The following PXK variants were observed in gnomAD, a reference collection of about 807,000 sequenced individuals.
PXK encodes PX domain-containing protein kinase-like protein.
A neutral mutation model predicts 84.7 loss-of-function variants in PXK; 35 were observed. The observed-to-expected ratio is 0.41, with a 90% CI of 0.32 to 0.55. PXK has a LOEUF of 0.55. PXK is among the 20% of genes least tolerant of loss of function. The probability of loss-of-function intolerance (pLI) is 0.21; values close to 1 mark genes in which losing one functional copy is unlikely to be tolerated. For missense variants in PXK, 634 were observed against 699.7 expected (o/e 0.91, Z 1.06); for synonymous variants, 253 against 260.8 (o/e 0.97, Z 0.29).
At chr3:58,381,940 A>G (rs1287698895) in intron 3 of PXK, among the ~76,000 whole-genome samples, 1 of 151,852 alleles carries the variant, frequency 6.6e-6, no homozygotes, top group Non-Finnish European at 1.5e-5. Context: ...GTAATAATTT[A>G]AGAAAGTGAG....
intron 3 of PXK, among the ~76,000 whole-genome samples, chr3:58,378,478 A>C: frequency 9.2e-6 from 1 of 108,746 alleles, no homozygotes; most frequent in Non-Finnish European, 1.8e-5. Context: ...TTGGATTTGG[A>C]CTTCATTTTT....
In PXK at chr3:58,397,284, C is replaced by T; in HGVS notation, c.984+84C>T. ...ATCTGCCCATGTAGGAAATATGCACCAAGTAGTGAAAGGTATAGTTGGGAC... is the reference window on the plus strand; with the variant it reads ...ATCTGCCCATGTAGGAAATATGCACTAAGTAGTGAAAGGTATAGTTGGGAC... On this transcript the variant is annotated intron_variant, in intron 10 of 17. Coordinates refer to ENST00000356151, the MANE Select transcript of PXK (RefSeq NM_017771.5). The surrounding 1 kb of genome is among the most constrained non-coding windows in gnomAD (Gnocchi z 4.7). 2 of 1,461,058 alleles carry T rather than the reference C, an allele frequency of 1.4e-6. No individual in the cohort carries two copies. Among genetic ancestry groups the T allele is most frequent in the African/African-American group, 1.4e-5 (1 of 71,940 alleles). The allele number at this position is 1,461,058 out of a possible 1,614,324, so 90.5% of individuals were successfully genotyped here.
chr3:58,390,483 G>T lies in PXK; in HGVS notation c.389-99G>T. 1 of 731,518 alleles carries T rather than the reference G, an allele frequency of 1.4e-6. No homozygotes were observed. Among genetic ancestry groups the T allele is most frequent in the Non-Finnish European group, 2.1e-6 (1 of 483,114 alleles). 45.3% of individuals were successfully genotyped at this position (731,518 alleles called of 1,614,324 possible). ...TTTGGTAATTAAGTTTTTTAAAAAG[G>T]TCATAGACTATAGGGATTTCATTTA... On this transcript the variant is annotated intron_variant, in intron 4 of 17. Transcript: ENST00000356151. The surrounding 1 kb of genome is among the most constrained non-coding windows in gnomAD (Gnocchi z 4.2).
At position 58,390,654 on chromosome 3, in the gene PXK, A is replaced by T; in HGVS notation, c.461A>T (p.Asp154Val). ...TGGGAGGTGGTGGAACCTTTGAAAG[A>T]CATAGGTGAGACATTGGCACGCTCA... ...PKWEVVEPLK[D>V]IGWRIRKKYF... is the part of the protein sequence containing the mutation. The change falls in exon 5 of 18, where the codon GAC becomes GTC. Residue 154 changes from aspartate to valine, a missense_variant. Asp to Val is a radical substitution (Grantham distance 152, BLOSUM62 -3). Around this residue, in one of 3 missense-constraint regions of PXK, gnomAD observed 353 missense variants for 385.2 expected, o/e 0.92. Transcript: ENST00000356151. The surrounding 1 kb of genome is among the most constrained non-coding windows in gnomAD (Gnocchi z 4.2). The T allele has an allele frequency of 6.2e-7, 1 of 1,611,718 alleles. No individual in the cohort carries two copies. The highest frequency in any genetic ancestry group is 8.5e-7 in the Non-Finnish European group (1 of 1,178,466).
chr3:58,365,741 C>A, intron 1 of PXK, 133 bp from the exon 2 acceptor site: 1 of 643,730 alleles, frequency 1.6e-6, no homozygotes, highest in Non-Finnish European at 2.5e-6. Flanking sequence ...ATGTCCCTTT[C>A]TCTCTGTCTC....
chr3:58,337,248 A>T (rs75220206), intron 1 of PXK, among the ~76,000 whole-genome samples: 6,992 of 152,298 alleles, frequency 0.046, 567 homozygotes, highest in African/African-American at 0.16. Flanking sequence ...TTTTAAAATC[A>T]GTGGAAAAGA....
At position 58,390,450 on chromosome 3, in the gene PXK, A is replaced by AT. The variant is rs531766666; in HGVS notation, c.389-122dup. On this transcript the variant is annotated intron_variant, in intron 4 of 17. Coordinates refer to ENST00000356151, the MANE Select transcript of PXK (RefSeq NM_017771.5). The surrounding 1 kb of genome is among the most constrained non-coding windows in gnomAD (Gnocchi z 4.2). ...GTGTGTATTTTCTTTCTTTATTATT[A>AT]TTTTTTTTTTGGTAATTAAGTTTTT... The AT allele has an allele frequency of 7.4e-3, 3,139 of 421,562 alleles. No individual in the cohort carries two copies. Among genetic ancestry groups the AT allele is most frequent in the Middle Eastern group, 0.014 (22 of 1,552 alleles). The allele number at this position is 421,562 out of a possible 1,614,324, so 26.1% of individuals were successfully genotyped here. A position where few individuals can be genotyped will look rare whatever the true frequency, so the allele number is the denominator to read the frequency against.
intron 7 of PXK, among the ~76,000 whole-genome samples, chr3:58,394,714 G>A (rs964201296): frequency 1.3e-5 from 2 of 152,142 alleles, no homozygotes; most frequent in Non-Finnish European, 2.9e-5. Flanking sequence ...CTATGAGAGT[G>A]CACACACCAA....
At chr3:58,389,167 G>A (rs1275934241) in intron 4 of PXK, among the ~76,000 whole-genome samples, 1 of 152,114 alleles carries the variant, frequency 6.6e-6, no homozygotes, top group Non-Finnish European at 1.5e-5. Context: ...AAAAGAGGAT[G>A]GATTTTTTTT....
At position 58,365,916 on chromosome 3, in the gene PXK, A is replaced by G; in HGVS notation, c.145A>G (p.Ser49Gly). 2 of 1,575,602 alleles carry G rather than the reference A, an allele frequency of 1.3e-6. No homozygotes were observed. The highest frequency in any genetic ancestry group is 1.7e-6 in the Non-Finnish European group (2 of 1,165,698). ...RVQRGISVENSWQIVRRYSDF... is the reference protein window; with the variant it reads ...RVQRGISVENGWQIVRRYSDF... ...GCAAAGAGGAATTTCTGTGGAAAACAGCTGGCAGGTAAGCATCTTTTTTTT... is the reference window on the plus strand; with the variant it reads ...GCAAAGAGGAATTTCTGTGGAAAACGGCTGGCAGGTAAGCATCTTTTTTTT... The change falls in exon 2 of 18, where the codon AGC (serine) becomes GGC (glycine). Residue 49 changes from serine to glycine, a missense_variant. By Grantham distance (56) the Ser-to-Gly change is moderately conservative (BLOSUM62 0). Coordinates refer to ENST00000356151, the MANE Select transcript of PXK (RefSeq NM_017771.5).
At chr3:58,395,614 G>T (rs1285638630) in intron 8 of PXK, 44 bp from the exon 9 acceptor site, 1 of 1,441,428 alleles carries the variant, frequency 6.9e-7, no homozygotes, top group South Asian at 1.2e-5. Flanking sequence ...GCAGATATTG[G>T]CCCCTCTGCT....
chr3:58,335,008 TGTC>T (rs1357540600), intron 1 of PXK, among the ~76,000 whole-genome samples: 2 of 135,642 alleles, frequency 1.5e-5, no homozygotes, highest in Non-Finnish European at 3.2e-5. Context: ...CTCACCATGT[TGTC>T]CAGGCTGGTG....
At chr3:58,373,283 T>G (rs1209198553) in intron 3 of PXK, among the ~76,000 whole-genome samples, 2 of 137,214 alleles carry the variant, frequency 1.5e-5, no homozygotes, top group Non-Finnish European at 3.4e-5. Flanking sequence ...TTTCACTGTG[T>G]TAGCCAGGAT....
At chr3:58,375,616 C>T (rs2098435520) in intron 3 of PXK, among the ~76,000 whole-genome samples, 1 of 152,216 alleles carries the variant, frequency 6.6e-6, no homozygotes, top group Admixed American at 6.5e-5. Context: ...TGCACTTTCT[C>T]TCCATGTCTA....
At chr3:58,336,071 A>ATATATTT (rs1284780630) in intron 1 of PXK, among the ~76,000 whole-genome samples, 13 of 51,570 alleles carry the variant, frequency 2.5e-4, no homozygotes, top group Non-Finnish European at 3.3e-4. Flanking sequence ...ATATATATAT[A>ATATATTT]TTTTTTTTTT....
intron 13 of PXK, among the ~76,000 whole-genome samples, chr3:58,408,689 A>AT (rs2107542969): frequency 6.6e-6 from 1 of 151,940 alleles, no homozygotes; most frequent in African/African-American, 2.4e-5. Context: ...CGCCCGGCTA[A>AT]TTTTTTGTAT....
chr3:58,410,943 C>T (rs968854308), intron 16 of PXK, among the ~76,000 whole-genome samples: 1 of 152,144 alleles, frequency 6.6e-6, no homozygotes, highest in Admixed American at 6.5e-5. Flanking sequence ...TTTGAAGATG[C>T]AAAAGAGACG....
chr3:58,333,901 T>C lies in PXK; in HGVS notation c.102+811T>C, dbSNP rs1261961923. 6.6e-6 allele frequency among the ~76,000 whole-genome samples: 1 copy of C among 151,342 alleles called. No homozygotes were observed. Among genetic ancestry groups the C allele is most frequent in the African/African-American group, 2.4e-5 (1 of 41,142 alleles). ...CTTTTTTTTTTTTTGAAAGGCCCACTATGCATTATAATTTCCAAGCAATAA... is the reference window on the plus strand; with the variant it reads ...CTTTTTTTTTTTTTGAAAGGCCCACCATGCATTATAATTTCCAAGCAATAA... On this transcript the variant is annotated intron_variant, in intron 1 of 17. Coordinates refer to ENST00000356151, the MANE Select transcript of PXK (RefSeq NM_017771.5). The surrounding 1 kb of genome is among the most constrained non-coding windows in gnomAD (Gnocchi z 5.4).
At chr3:58,350,439 A>G (rs933347043) in intron 1 of PXK, among the ~76,000 whole-genome samples, 1 of 152,070 alleles carries the variant, frequency 6.6e-6, no homozygotes, top group Non-Finnish European at 1.5e-5. Flanking sequence ...TCACCCTGTC[A>G]GCTTCCCCCT....
Sources: allele counts gnomAD v4.1 joint callset (sites outside exome capture counted in the v4.1 genomes callset), GRCh38; gene constraint gnomAD v4.1.1; regional missense constraint gnomAD v4.1.1; non-coding constraint Gnocchi (gnomAD v3.1); transcripts MANE v1.5; gene names NCBI Gene and HGNC (gene_info 2026-07-23, HGNC 2026-07-21).